Variants in FILIP1 observed in about 807,000 individuals in gnomAD.
FILIP1 encodes filamin A interacting protein 1, also known as filamin-A-interacting protein 1.
A neutral mutation model predicts 102.1 loss-of-function variants in FILIP1; 61 were observed. The ratio of observed to expected loss-of-function variants is 0.60; its 90% CI spans 0.49 to 0.74. The LOEUF is 0.74. FILIP1 is among the 30% of genes least tolerant of loss of function. The pLI is 0.00. For missense variants in FILIP1, 1,314 were observed against 1,441.2 expected (o/e 0.91, Z 1.43); for synonymous variants, 491 against 526.9 (o/e 0.93, Z 0.93).
chr6:75,326,265 A>G (rs1773861431), intron 4 of FILIP1, among the ~76,000 whole-genome samples: 1 of 152,148 alleles, frequency 6.6e-6, no homozygotes, highest in Non-Finnish European at 1.5e-5. Context: ...ACCAAATATC[A>G]TATGTTCTCA....
intron 1 of FILIP1, among the ~76,000 whole-genome samples, chr6:75,425,010 T>C (rs1777584366): frequency 6.6e-6 from 1 of 152,168 alleles, no homozygotes; most frequent in South Asian, 2.1e-4. Flanking sequence ...AGTTGTGTCT[T>C]TTTTGAACTT....
rs72881994 is a variant in FILIP1, at chr6:75,316,413, A to G, written c.630-1211T>C. Among the ~76,000 whole-genome samples, 895 of 152,136 alleles carry G rather than the reference A, an allele frequency of 5.9e-3. 8 individuals are homozygous for G. The highest frequency in any genetic ancestry group is 9.3e-3 in the Non-Finnish European group (630 of 67,964). On this transcript the variant is annotated intron_variant, in intron 4 of 5. Coordinates refer to ENST00000237172, the MANE Select transcript of FILIP1 (RefSeq NM_015687.5). Reference sequence around the variant, plus strand: ...TTTACTATTCTGACTGATTAATTTCATATTTATGACTAGATTAGCTGTTAG... The same window carrying G: ...TTTACTATTCTGACTGATTAATTTCGTATTTATGACTAGATTAGCTGTTAG...
At chr6:75,423,471 C>A (rs562090777) in intron 1 of FILIP1, among the ~76,000 whole-genome samples, 1 of 152,206 alleles carries the variant, frequency 6.6e-6, no homozygotes, top group African/African-American at 2.4e-5. Flanking sequence ...GCCAAACTTG[C>A]ACCAAAAAAA....
At chr6:75,475,900 C>T (rs1299631990) in intron 1 of FILIP1, among the ~76,000 whole-genome samples, 1 of 152,166 alleles carries the variant, frequency 6.6e-6, no homozygotes, top group Non-Finnish European at 1.5e-5. Flanking sequence ...CTATTATTAT[C>T]TGTCATTTAC....
At chr6:75,413,068 C>A (rs185936937) in intron 2 of FILIP1, among the ~76,000 whole-genome samples, 3 of 152,154 alleles carry the variant, frequency 2.0e-5, no homozygotes, top group African/African-American at 7.2e-5. Flanking sequence ...GGATCTGAAA[C>A]CTTATCTAGC....
In FILIP1 at chr6:75,472,829, C is replaced by T. The variant is rs180781552; in HGVS notation, c.-7+20585G>A. Among the ~76,000 whole-genome samples the T allele has an allele frequency of 3.3e-4, 50 of 152,168 alleles. 2 individuals are homozygous for T. In the East Asian group the frequency reaches 6.7e-3, roughly 21 times the overall value. ...AGAACCAAAAGCATCAAATTATCTC[C>T]ACAACACATATATTAGTCACAGAGA... On this transcript the variant is annotated intron_variant, in intron 1 of 5. Coordinates refer to ENST00000237172, the MANE Select transcript of FILIP1 (RefSeq NM_015687.5).
intron 2 of FILIP1, among the ~76,000 whole-genome samples, chr6:75,372,336 C>T (rs1256216001): frequency 7.1e-6 from 1 of 140,414 alleles, no homozygotes; most frequent in Non-Finnish European, 1.5e-5. Context: ...CATTGCACTC[C>T]AGCCTGGGCA....
chr6:75,351,371 C>A (rs935981474), intron 4 of FILIP1, among the ~76,000 whole-genome samples: 1 of 152,080 alleles, frequency 6.6e-6, no homozygotes, highest in African/African-American at 2.4e-5. Context: ...CCACAGAATA[C>A]TTTTATATTC....
At chr6:75,460,879 A>G (rs796173083) in intron 1 of FILIP1, among the ~76,000 whole-genome samples, 13 of 152,200 alleles carry the variant, frequency 8.5e-5, no homozygotes, top group African/African-American at 2.9e-4. Context: ...ATTTGCTTAT[A>G]AGAGAGATAA....
At chr6:75,434,487 G>A (rs1777946573) in intron 1 of FILIP1, among the ~76,000 whole-genome samples, 3 of 146,262 alleles carry the variant, frequency 2.1e-5, no homozygotes, top group Admixed American at 6.8e-5. Context: ...TTGGCTCTCT[G>A]TTTGTCTATT....
At chr6:75,315,568 G>A (rs562408133) in intron 4 of FILIP1, among the ~76,000 whole-genome samples, 1 of 152,276 alleles carries the variant, frequency 6.6e-6, no homozygotes, top group Non-Finnish European at 1.5e-5. Flanking sequence ...TAAAACTTAG[G>A]TTGTGCAATA....
At chr6:75,466,644 A>G (rs1318692555) in intron 1 of FILIP1, among the ~76,000 whole-genome samples, 1 of 152,204 alleles carries the variant, frequency 6.6e-6, no homozygotes, top group Non-Finnish European at 1.5e-5. Context: ...CTACAAAGGT[A>G]AAACTATTGG....
chr6:75,376,629 C>T (rs148202601), intron 2 of FILIP1, among the ~76,000 whole-genome samples: 71 of 152,204 alleles, frequency 4.7e-4, no homozygotes, highest in African/African-American at 1.7e-3. Context: ...CTGATAAGAG[C>T]GAATTGCCTG....
chr6:75,487,597 T>C (rs571292209), intron 1 of FILIP1, among the ~76,000 whole-genome samples: 1 of 152,104 alleles, frequency 6.6e-6, no homozygotes, highest in East Asian at 1.9e-4. Context: ...ATAGATCTTT[T>C]AGATAAACAA....
rs76561519 is a variant in FILIP1, at chr6:75,460,028, A to G, written c.-7+33386T>C. 8.9e-3 allele frequency among the ~76,000 whole-genome samples: 1,351 copies of G among 152,332 alleles called. 49 individuals carry two copies. The East Asian group carries it at 0.12, about 14-fold the overall frequency. Reference sequence around the variant, plus strand: ...CTTAAGACTCCAACAGAGCCAATAAAGTTAATGGTGATCCTATGACTAGGA... The same window carrying G: ...CTTAAGACTCCAACAGAGCCAATAAGGTTAATGGTGATCCTATGACTAGGA... On this transcript the variant is annotated intron_variant, in intron 1 of 5. Transcript: ENST00000237172.
At chr6:75,337,631 G>T (rs190296354) in intron 4 of FILIP1, among the ~76,000 whole-genome samples, 120 of 152,168 alleles carry the variant, frequency 7.9e-4, no homozygotes, top group Middle Eastern at 6.8e-3. Flanking sequence ...AACATCATAG[G>T]ATACACTAGA....
Position 75,295,952 on chromosome 6 carries a change from T to C in FILIP1, c.3494-2A>G, listed in dbSNP as rs1378595919. 5 of 1,448,990 alleles carry C rather than the reference T, an allele frequency of 3.5e-6. No homozygotes were observed. Among genetic ancestry groups the C allele is most frequent in the Non-Finnish European group, 3.6e-6 (4 of 1,107,574 alleles). The allele number at this position is 1,448,990 out of a possible 1,614,324, so 89.8% of individuals were successfully genotyped here. On this transcript the variant is annotated splice_acceptor_variant, in intron 6 of 6. Transcript: ENST00000393004. LOFTEE classifies it high-confidence loss of function. ...GTAACTGGTGAATGATGATGCTTTC[T>C]ATAAAGAGAAAAAAGACATGGCATT...
chr6:75,377,789 C>T (rs1775792903), intron 2 of FILIP1, among the ~76,000 whole-genome samples: 1 of 152,188 alleles, frequency 6.6e-6, no homozygotes, highest in African/African-American at 2.4e-5. Context: ...TTTTAAAAAG[C>T]TACCTTTTTG....
rs1392999941 is a variant in FILIP1, at chr6:75,353,607, C to T, written c.561G>A (p.Lys187=). The T allele has an allele frequency of 2.5e-6, 4 of 1,614,202 alleles. No individual in the cohort carries two copies. In the South Asian group the frequency reaches 4.4e-5, roughly 18 times the overall value. Residue 187 remains lysine (K), a synonymous_variant, in exon 4 of 6, where the codon AAG becomes AAA. Coordinates refer to ENST00000237172, the MANE Select transcript of FILIP1 (RefSeq NM_015687.5). ...RRTVYELENE[K]HKHTDYMNKS... is the part of the protein sequence containing the mutation. ...TGTTCATGTAGTCAGTGTGTTTATGCTTCTCGTTCTCTAACTCGTATACGG... is the reference window on the plus strand; with the variant it reads ...TGTTCATGTAGTCAGTGTGTTTATGTTTCTCGTTCTCTAACTCGTATACGG...
Sources: allele counts gnomAD v4.1 joint callset (sites outside exome capture counted in the v4.1 genomes callset), GRCh38; gene constraint gnomAD v4.1.1; transcripts MANE v1.5; gene names NCBI Gene and HGNC (gene_info 2026-07-23, HGNC 2026-07-21).